The following RUFY3 variants were observed in gnomAD, a reference collection of about 807,000 sequenced individuals.
RUFY3 encodes the protein protein RUFY3.
In RUFY3, 34 loss-of-function variants were observed where a neutral mutation model predicts 84.0. The ratio of observed to expected loss-of-function variants is 0.40; its 90% confidence interval spans 0.31 to 0.54. RUFY3 has a LOEUF of 0.54. Ranked by LOEUF, RUFY3 falls within the 20% of genes least tolerant of loss-of-function variation. The probability of loss-of-function intolerance (pLI) is 0.39; values close to 1 mark genes in which losing one functional copy is unlikely to be tolerated. For synonymous variants in RUFY3, 242 were observed against 252.9 expected (o/e 0.96, Z 0.41); for missense variants, 507 against 736.8 (o/e 0.69, Z 3.61).
At chr4:70,752,164 A>T (rs1424886508) in intron 1 of RUFY3, among the ~76,000 whole-genome samples, 4 of 152,152 alleles carry the variant, frequency 2.6e-5, no homozygotes, top group African/African-American at 9.7e-5. Flanking sequence ...TTATTGGTAA[A>T]TATTTTTCTG....
chr4:70,800,295 C>A, intron 15 of RUFY3, 90 bp downstream of exon 15: 1 of 831,910 alleles, frequency 1.2e-6, no homozygotes, highest in Admixed American at 2.9e-5. Context: ...GCATTGACAC[C>A]GACCAGACAC....
At chr4:70,731,632 G>A (rs112665038) in intron 1 of RUFY3, among the ~76,000 whole-genome samples, 14,008 of 151,808 alleles carry the variant, frequency 0.092, 1,382 homozygotes, top group African/African-American at 0.25. Flanking sequence ...CAGTGGCGCA[G>A]TCTCGGCTCA....
chr4:70,726,988 T>TTTTG (rs201301130), intron 1 of RUFY3, among the ~76,000 whole-genome samples: 4 of 151,370 alleles, frequency 2.6e-5, no homozygotes, highest in Admixed American at 6.6e-5. Context: ...CCTCTCAGAC[T>TTTTG]TTTGTTTGTT....
chr4:70,741,584 G>A, intron 1 of RUFY3: 1 of 1,490,118 alleles, frequency 6.7e-7, no homozygotes, highest in Non-Finnish European at 8.9e-7. Context: ...GGGCTTGCAT[G>A]ACATTTTATC....
intron 15 of RUFY3, among the ~76,000 whole-genome samples, chr4:70,801,409 C>T (rs1732218749): frequency 6.6e-6 from 1 of 152,108 alleles, no homozygotes; most frequent in Admixed American, 6.5e-5. Flanking sequence ...AAATGTACCA[C>T]TCTGGTGCAG....
intron 15 of RUFY3, 73 bp downstream of exon 15, chr4:70,800,278 T>C (rs925616957): frequency 1.2e-5 from 14 of 1,120,790 alleles, no homozygotes; most frequent in Non-Finnish European, 1.8e-5. Context: ...GTTCTTTATA[T>C]ACATTGGCAT....
intron 8 of RUFY3, among the ~76,000 whole-genome samples, chr4:70,781,742 C>T (rs1728956046): frequency 6.6e-6 from 1 of 152,220 alleles, no homozygotes; most frequent in Admixed American, 6.5e-5. Flanking sequence ...CTTCTCTGTG[C>T]TTACCATGTT....
intron 7 of RUFY3, among the ~76,000 whole-genome samples, chr4:70,776,964 G>A (rs530188959): frequency 4.6e-5 from 7 of 152,202 alleles, no homozygotes; most frequent in African/African-American, 1.7e-4. Context: ...AATCCTTACT[G>A]GATAATCCTT....
intron 1 of RUFY3, among the ~76,000 whole-genome samples, chr4:70,755,699 C>T (rs886491367): frequency 6.6e-6 from 1 of 152,116 alleles, no homozygotes; most frequent in African/African-American, 2.4e-5. Flanking sequence ...TGCCTGTAAT[C>T]CCAGCACTTT....
At chr4:70,790,715 G>A (rs777791847) in intron 12 of RUFY3, among the ~76,000 whole-genome samples, 1 of 152,176 alleles carries the variant, frequency 6.6e-6, no homozygotes, top group Non-Finnish European at 1.5e-5. Context: ...CCTGAGATTA[G>A]TTAACGAATC....
At chr4:70,772,561 C>G (rs562694955) in intron 5 of RUFY3, among the ~76,000 whole-genome samples, 6 of 152,154 alleles carry the variant, frequency 3.9e-5, no homozygotes, top group Non-Finnish European at 7.3e-5. Context: ...ACTTCTCACC[C>G]TTTCTGTATG....
intron 8 of RUFY3, among the ~76,000 whole-genome samples, chr4:70,782,442 G>A: frequency 6.6e-6 from 1 of 151,124 alleles, no homozygotes; most frequent in South Asian, 2.1e-4. Context: ...ACACCACTAC[G>A]CCCAGCTAAT....
chr4:70,797,779 G>A (rs1731714802), intron 14 of RUFY3, among the ~76,000 whole-genome samples: 1 of 151,916 alleles, frequency 6.6e-6, no homozygotes, highest in South Asian at 2.1e-4. Context: ...GGAGGCGGAG[G>A]TTGCAGTGAG....
chr4:70,805,234 G>GA (rs1732717748), intron 17 of RUFY3, among the ~76,000 whole-genome samples: 1 of 152,224 alleles, frequency 6.6e-6, no homozygotes, highest in Admixed American at 6.5e-5. Context: ...ATCCTGCTCA[G>GA]AACAGGATAT....
intron 1 of RUFY3, among the ~76,000 whole-genome samples, chr4:70,750,381 G>A (rs1722930422): frequency 6.6e-6 from 1 of 152,050 alleles, no homozygotes; most frequent in South Asian, 2.1e-4. Flanking sequence ...TAACAACAAA[G>A]TCTTATAGTG....
chr4:70,761,541 AATTGTT>A (rs1725040802), intron 1 of RUFY3, among the ~76,000 whole-genome samples: 1 of 152,096 alleles, frequency 6.6e-6, no homozygotes, highest in Non-Finnish European at 1.5e-5. Context: ...TTCCCTGTAA[AATTGTT>A]GTATTGGTGA....
intron 15 of RUFY3, among the ~76,000 whole-genome samples, chr4:70,802,297 T>G (rs1448179994): frequency 1.3e-5 from 2 of 152,100 alleles, no homozygotes; most frequent in African/African-American, 2.4e-5. Context: ...TGTCTGGTGG[T>G]CACACTGCTA....
At chr4:70,727,764 G>A (rs1718522278) in intron 1 of RUFY3, among the ~76,000 whole-genome samples, 1 of 148,264 alleles carries the variant, frequency 6.7e-6, no homozygotes, top group Non-Finnish European at 1.5e-5. Flanking sequence ...TCCAGCCTGG[G>A]CAACAAGAGA....
At chr4:70,724,677 T>C (rs1280088638) in intron 1 of RUFY3, among the ~76,000 whole-genome samples, 1 of 152,166 alleles carries the variant, frequency 6.6e-6, no homozygotes, top group Non-Finnish European at 1.5e-5. Flanking sequence ...ATGCCGACAG[T>C]GCATTTTAGA....
Sources: gnomAD v4.1 joint callset for allele counts (sites outside exome capture counted in the v4.1 genomes callset) on GRCh38, gnomAD v4.1.1 for gene constraint, MANE v1.5 for transcripts, NCBI Gene and HGNC (gene_info 2026-07-23, HGNC 2026-07-21) for gene names.